The following SLC4A10 variants were observed in gnomAD, a reference collection of about 807,000 sequenced individuals.
SLC4A10 encodes the protein solute carrier family 4 member 10, also known as sodium-driven chloride bicarbonate exchanger.
SLC4A10 carries 42 observed loss-of-function variants against 137.7 expected under a neutral mutation model. The observed-to-expected ratio is 0.30, with a 90% CI of 0.24 to 0.39. The LOEUF is 0.39. Ranked by LOEUF, SLC4A10 falls within the 10% of genes least tolerant of loss-of-function variation. SLC4A10 has a pLI of 1.00. For synonymous variants in SLC4A10, 474 were observed against 464.1 expected (o/e 1.02, Z -0.27); for missense variants, 925 against 1,355.0 (o/e 0.68, Z 4.98).
At chr2:161,678,674 A>G (rs1237892949) in intron 1 of SLC4A10, among the ~76,000 whole-genome samples, 1 of 152,100 alleles carries the variant, frequency 6.6e-6, no homozygotes, top group African/African-American at 2.4e-5. Context: ...ATTACCATAG[A>G]TTAGTTTTAC....
chr2:161,807,480 T>C (rs1332645385), intron 3 of SLC4A10, among the ~76,000 whole-genome samples: 2 of 152,076 alleles, frequency 1.3e-5, no homozygotes, highest in African/African-American at 4.8e-5. Flanking sequence ...ATCCCTGAAG[T>C]CACTAATTCA....
At chr2:161,799,912 A>G (rs1259225022) in intron 2 of SLC4A10, among the ~76,000 whole-genome samples, 1 of 151,988 alleles carries the variant, frequency 6.6e-6, no homozygotes, top group Non-Finnish European at 1.5e-5. Context: ...AACTCTTTAT[A>G]TAGTAAATGG....
chr2:161,809,783 T>G (rs998333910), intron 3 of SLC4A10, among the ~76,000 whole-genome samples: 1 of 152,144 alleles, frequency 6.6e-6, no homozygotes, highest in Admixed American at 6.6e-5. Flanking sequence ...AATGTAGCCA[T>G]AGAGTACAGT....
At chr2:161,840,599 G>T (rs909040983) in intron 4 of SLC4A10, among the ~76,000 whole-genome samples, 1 of 152,152 alleles carries the variant, frequency 6.6e-6, no homozygotes, top group Non-Finnish European at 1.5e-5. Flanking sequence ...AAGTGCAATG[G>T]ATATGGCACA....
chr2:161,896,647 A>G (rs2063536693), intron 11 of SLC4A10, among the ~76,000 whole-genome samples: 1 of 152,142 alleles, frequency 6.6e-6, no homozygotes, highest in Non-Finnish European at 1.5e-5. Flanking sequence ...GGATACAAAC[A>G]AATGGAAGAA....
At chr2:161,939,520 T>G (rs767325076) in intron 15 of SLC4A10, among the ~76,000 whole-genome samples, 2 of 152,054 alleles carry the variant, frequency 1.3e-5, no homozygotes, top group African/African-American at 4.8e-5. Flanking sequence ...ATATGTAGAT[T>G]TCCATTTCTG....
chr2:161,821,021 T>G (rs2057573047), intron 3 of SLC4A10, among the ~76,000 whole-genome samples: 1 of 152,232 alleles, frequency 6.6e-6, no homozygotes, highest in African/African-American at 2.4e-5. Context: ...TAATTTATAT[T>G]TCTTGATTAC....
chr2:161,924,132 T>C (rs528708037), intron 15 of SLC4A10, among the ~76,000 whole-genome samples: 1 of 152,304 alleles, frequency 6.6e-6, no homozygotes, highest in South Asian at 2.1e-4. Flanking sequence ...CTCCTCACAG[T>C]GCTATTTCCA....
intron 1 of SLC4A10, among the ~76,000 whole-genome samples, chr2:161,711,605 C>T (rs186899055): frequency 1.3e-5 from 2 of 151,790 alleles, no homozygotes; most frequent in African/African-American, 4.8e-5. Flanking sequence ...CCCTTGTTTC[C>T]CCAGAATCCC....
Position 161,657,816 on chromosome 2 carries a change from C to T in SLC4A10, c.48+33250C>T, listed in dbSNP as rs924487353. Among the ~76,000 whole-genome samples, 8 of 151,818 alleles carry T rather than the reference C, an allele frequency of 5.3e-5. No individual in the cohort carries two copies. In the East Asian group the frequency reaches 7.7e-4, roughly 15 times the overall value. On this transcript the variant is annotated intron_variant, in intron 1 of 26. Coordinates refer to ENST00000446997, the MANE Select transcript of SLC4A10 (RefSeq NM_001178015.2). ...TTAAAATAACAATCTACAGAAAATA[C>T]GGGAGGAGTAGAAAATATGGATGAA...
chr2:161,942,989 G>A, intron 16 of SLC4A10, 92 bp downstream of exon 16: 1 of 887,028 alleles, frequency 1.1e-6, no homozygotes, highest in East Asian at 2.7e-5. Context: ...TTTTTTGAAT[G>A]CATAATATAA....
chr2:161,767,736 A>G (rs2125401906), intron 1 of SLC4A10, among the ~76,000 whole-genome samples: 1 of 152,114 alleles, frequency 6.6e-6, no homozygotes, highest in South Asian at 2.1e-4. Context: ...CATTCTTGAA[A>G]AGGATTTGGA....
chr2:161,965,710 G>C (rs576762097), intron 23 of SLC4A10, among the ~76,000 whole-genome samples: 1 of 152,224 alleles, frequency 6.6e-6, no homozygotes, highest in Non-Finnish European at 1.5e-5. Flanking sequence ...AGATGTTGCA[G>C]AAACTTCTGG....
chr2:161,723,310 T>C (rs780458564), intron 1 of SLC4A10, among the ~76,000 whole-genome samples: 130 of 152,180 alleles, frequency 8.5e-4, no homozygotes, highest in Non-Finnish European at 1.7e-3. Context: ...TTGCTCTGTG[T>C]GGCTCATGGG....
At chr2:161,798,224 T>C (rs899814952) in intron 2 of SLC4A10, among the ~76,000 whole-genome samples, 3 of 151,982 alleles carry the variant, frequency 2.0e-5, no homozygotes, top group Admixed American at 6.6e-5. Flanking sequence ...AAAGATTATA[T>C]GCTTATTCAG....
chr2:161,668,420 A>G (rs1205116799), intron 1 of SLC4A10, among the ~76,000 whole-genome samples: 1 of 151,816 alleles, frequency 6.6e-6, no homozygotes, highest in Non-Finnish European at 1.5e-5. Flanking sequence ...AACTAGAGCC[A>G]GAGAGTGGAT....
At chr2:161,786,533 T>C (rs1016657514) in intron 2 of SLC4A10, among the ~76,000 whole-genome samples, 3 of 151,956 alleles carry the variant, frequency 2.0e-5, no homozygotes, top group Admixed American at 6.6e-5. Context: ...TATGAGCTTT[T>C]ATGACAGGAG....
chr2:161,658,080 A>G (rs1019680643), intron 1 of SLC4A10, among the ~76,000 whole-genome samples: 1 of 152,142 alleles, frequency 6.6e-6, no homozygotes, highest in Non-Finnish European at 1.5e-5. Flanking sequence ...CCTGCAAGCA[A>G]TGAGTAGCTT....
intron 3 of SLC4A10, among the ~76,000 whole-genome samples, chr2:161,828,814 A>C (rs1428583009): frequency 8.1e-6 from 1 of 124,178 alleles, no homozygotes; most frequent in African/African-American, 3.0e-5. Context: ...ATATATGTAT[A>C]ATCTACATCT....
Sources: allele counts gnomAD v4.1 joint callset (sites outside exome capture counted in the v4.1 genomes callset), GRCh38; gene constraint gnomAD v4.1.1; transcripts MANE v1.5; gene names NCBI Gene and HGNC (gene_info 2026-07-23, HGNC 2026-07-21).